Variants in PBX3 observed in about 807,000 individuals in gnomAD.
The protein encoded by PBX3 is PBX homeobox 3.
PBX3 carries 14 observed loss-of-function variants against 48.5 expected under a neutral mutation model. The ratio of observed to expected loss-of-function variants is 0.29; its 90% CI spans 0.19 to 0.45. PBX3 has a LOEUF of 0.45. Among genes scored for constraint, PBX3 ranks in the 20% least tolerant of loss-of-function variants. PBX3 has a pLI of 1.00. For missense variants in PBX3, 386 were observed against 546.7 expected (o/e 0.71, Z 2.93); for synonymous variants, 210 against 200.3 (o/e 1.05, Z -0.41).
rs1184214462 is a variant in PBX3, at chr9:125,822,142, A to G, written c.274+73519A>G. On this transcript the variant is annotated intron_variant, in intron 2 of 8. Coordinates refer to ENST00000373489, the MANE Select transcript of PBX3 (RefSeq NM_006195.6). The stretch of plus-strand genomic sequence containing the variant: ...AAACTGTGCTATGAAGAATTATGTA[A>G]TTTTTCCTAAATAAGTAAAATTAAA... Among the ~76,000 whole-genome samples, 3 of 152,222 alleles carry G rather than the reference A, an allele frequency of 2.0e-5. No individual in the cohort carries two copies. The East Asian group carries it at 5.8e-4, about 29-fold the overall frequency.
intron 2 of PBX3, among the ~76,000 whole-genome samples, chr9:125,818,246 C>A (rs1040297590): frequency 6.6e-6 from 1 of 151,304 alleles, no homozygotes; most frequent in Non-Finnish European, 1.5e-5. Context: ...TATAGTATTA[C>A]CAGAGAGTTC....
chr9:125,894,351 G>A (rs1840720151), intron 2 of PBX3, among the ~76,000 whole-genome samples: 1 of 152,058 alleles, frequency 6.6e-6, no homozygotes, highest in Non-Finnish European at 1.5e-5. Context: ...TTAGAGAACT[G>A]AGTCCATAGA....
intron 2 of PBX3, among the ~76,000 whole-genome samples, chr9:125,791,303 C>CTATCT (rs1837598913): frequency 8.4e-6 from 1 of 119,134 alleles, no homozygotes; most frequent in Non-Finnish European, 1.9e-5. Context: ...GTCTGTCTGT[C>CTATCT]TATCTATCTA....
intron 2 of PBX3, among the ~76,000 whole-genome samples, chr9:125,836,572 A>G (rs1300703231): frequency 6.6e-6 from 1 of 152,160 alleles, no homozygotes; most frequent in Non-Finnish European, 1.5e-5. Flanking sequence ...GTTAGAAGGA[A>G]TAAGATCTAG....
intron 2 of PBX3, among the ~76,000 whole-genome samples, chr9:125,908,057 T>C (rs1013483954): frequency 6.6e-6 from 1 of 152,146 alleles, no homozygotes; most frequent in African/African-American, 2.4e-5. Flanking sequence ...AGTAATAGAA[T>C]GATTCCAAGT....
chr9:125,884,448 C>T (rs1299178066), intron 2 of PBX3, among the ~76,000 whole-genome samples: 1 of 152,180 alleles, frequency 6.6e-6, no homozygotes, highest in African/African-American at 2.4e-5. Context: ...CTTTTAGAAA[C>T]AATTCATCCA....
intron 2 of PBX3, among the ~76,000 whole-genome samples, chr9:125,754,629 CTT>C (rs1836463349): frequency 3.9e-5 from 6 of 152,034 alleles, no homozygotes; most frequent in Non-Finnish European, 7.4e-5. Flanking sequence ...ATCTTCAACA[CTT>C]GATTCTAATT....
At chr9:125,833,127 G>T (rs902154743) in intron 2 of PBX3, among the ~76,000 whole-genome samples, 1 of 152,084 alleles carries the variant, frequency 6.6e-6, no homozygotes, top group Non-Finnish European at 1.5e-5. Context: ...TTAGGAAGGG[G>T]AGCAAATAGG....
chr9:125,767,913 G>A (rs564394217), intron 2 of PBX3, among the ~76,000 whole-genome samples: 33 of 152,234 alleles, frequency 2.2e-4, no homozygotes, highest in African/African-American at 7.9e-4. Context: ...AAAGGCAGGA[G>A]CAGGCTAGCA....
intron 2 of PBX3, among the ~76,000 whole-genome samples, chr9:125,905,724 T>C (rs1841054906): frequency 6.6e-6 from 1 of 152,062 alleles, no homozygotes; most frequent in South Asian, 2.1e-4. Context: ...TGCACTAGAA[T>C]GTTTCATTTT....
At chr9:125,896,621 A>G (rs1840774232) in intron 2 of PBX3, among the ~76,000 whole-genome samples, 1 of 152,080 alleles carries the variant, frequency 6.6e-6, no homozygotes, top group African/African-American at 2.4e-5. Context: ...TCTCAACTGT[A>G]TATAAGTAAT....
chr9:125,760,427 A>G (rs10986884), intron 2 of PBX3, among the ~76,000 whole-genome samples: 3,055 of 152,160 alleles, frequency 0.02, 174 homozygotes, highest in East Asian at 0.17. Flanking sequence ...ACATAGGAGA[A>G]GAAAAGAATC....
chr9:125,781,741 G>T (rs988565718), intron 2 of PBX3, among the ~76,000 whole-genome samples: 1 of 151,476 alleles, frequency 6.6e-6, no homozygotes, highest in African/African-American at 2.4e-5. Flanking sequence ...CTAGATTTGG[G>T]CTTAATGTTT....
chr9:125,939,808 G>A (rs754466022), intron 5 of PBX3, among the ~76,000 whole-genome samples: 75 of 152,118 alleles, frequency 4.9e-4, no homozygotes, highest in Non-Finnish European at 5.3e-4. Flanking sequence ...GAGAATACAC[G>A]TAACATAACA....
intron 2 of PBX3, among the ~76,000 whole-genome samples, chr9:125,855,561 A>G (rs1839698432): frequency 6.6e-6 from 1 of 152,086 alleles, no homozygotes; most frequent in Admixed American, 6.6e-5. Flanking sequence ...ATATCCCTTC[A>G]TCAAATTTTA....
Position 125,963,048 on chromosome 9 carries a change from G to A in PBX3, c.1159G>A (p.Gly387Ser), listed in dbSNP as rs1842463495. 3.1e-6 allele frequency: 5 copies of A among 1,610,704 alleles called. No individual in the cohort carries two copies. The highest frequency in any genetic ancestry group is 1.3e-5 in the African/African-American group (1 of 74,992). ...TLRHVINQTG[G>S]YSDGLGGNSL... ...CCGTCATGTTATCAATCAGACGGGAGGCTACAGTGATGGCCTTGGAGGAAA... is the reference window on the plus strand; with the variant it reads ...CCGTCATGTTATCAATCAGACGGGAAGCTACAGTGATGGCCTTGGAGGAAA... The change falls in exon 8 of 9, where the codon GGC (glycine) becomes AGC (serine). Residue 387 changes from glycine (G) to serine (S), a missense_variant. By Grantham distance (56) the Gly-to-Ser change is moderately conservative. Coordinates refer to ENST00000373489, the MANE Select transcript of PBX3 (RefSeq NM_006195.6).
intron 2 of PBX3, among the ~76,000 whole-genome samples, chr9:125,839,239 A>ATAGACT (rs1839221191): frequency 6.6e-6 from 1 of 152,214 alleles, no homozygotes; most frequent in Admixed American, 6.5e-5. Context: ...CCCACAGAAG[A>ATAGACT]TACTCAATAG....
chr9:125,906,004 A>G (rs937436319), intron 2 of PBX3, among the ~76,000 whole-genome samples: 8 of 152,012 alleles, frequency 5.3e-5, no homozygotes, highest in Non-Finnish European at 8.8e-5. Flanking sequence ...GAAGTTCACC[A>G]TTGACTGAAA....
At chr9:125,805,704 A>G (rs1243350938) in intron 2 of PBX3, among the ~76,000 whole-genome samples, 2 of 152,302 alleles carry the variant, frequency 1.3e-5, no homozygotes, top group African/African-American at 2.4e-5. Flanking sequence ...TGGCATGAAC[A>G]CTTGGTTAAA....
Sources: gnomAD v4.1 joint callset for allele counts (sites outside exome capture counted in the v4.1 genomes callset) on GRCh38, gnomAD v4.1.1 for gene constraint, MANE v1.5 for transcripts, NCBI Gene and HGNC (gene_info 2026-07-23, HGNC 2026-07-21) for gene names.